The following PLCD4 variants were observed in gnomAD, a reference collection of about 807,000 sequenced individuals.
PLCD4 encodes the protein 1-phosphatidylinositol 4,5-bisphosphate phosphodiesterase delta-4.
In PLCD4, 63 loss-of-function variants were observed where a neutral mutation model predicts 90.2. The ratio of observed to expected loss-of-function variants is 0.70; its 90% CI spans 0.57 to 0.86. The LOEUF (loss-of-function observed/expected upper bound fraction) is 0.86. Among genes scored for constraint, PLCD4 ranks in the 40% least tolerant of loss-of-function variants. The pLI, the probability that PLCD4 is intolerant of heterozygous loss-of-function variation, is 0.00. For missense variants in PLCD4, 830 were observed against 956.3 expected (o/e 0.87, Z 1.74); for synonymous variants, 294 against 356.5 (o/e 0.82, Z 1.97).
At chr2:218,620,371 C>T (rs752975826) in intron 4 of PLCD4, among the ~76,000 whole-genome samples, 20 of 151,928 alleles carry the variant, frequency 1.3e-4, no homozygotes, top group Middle Eastern at 3.4e-3. Flanking sequence ...CTGGGCGTGG[C>T]GACATGTATC....
chr2:218,619,022 AC>A (rs1695756931), intron 4 of PLCD4: 2 of 576,890 alleles, frequency 3.5e-6, no homozygotes, highest in South Asian at 4.4e-5. Context: ...AGGAATCAGG[AC>A]CCCCAGGATT....
In PLCD4 at chr2:218,631,750, C is replaced by T. The variant is rs544500050; in HGVS notation, c.1273-386C>T. Reference sequence around the variant, plus strand: ...GGTGGTGCAGTGAGCTGAGATTGCGCCACTGCACTCCAGCCCGGGCGACAG... The same window carrying T: ...GGTGGTGCAGTGAGCTGAGATTGCGTCACTGCACTCCAGCCCGGGCGACAG... On this transcript the variant is annotated intron_variant, in intron 9 of 15. Coordinates refer to ENST00000450993, the MANE Select transcript of PLCD4 (RefSeq NM_032726.4). Among the ~76,000 whole-genome samples, 89 of 151,558 alleles carry T rather than the reference C, an allele frequency of 5.9e-4. 1 individual carries two copies. Among genetic ancestry groups the T allele is most frequent in the Non-Finnish European group, 9.4e-4 (64 of 67,912 alleles).
intron 13 of PLCD4, among the ~76,000 whole-genome samples, 179 bp from the exon 14 acceptor site, chr2:218,635,617 G>A (rs1696684138): frequency 6.6e-6 from 1 of 152,202 alleles, no homozygotes; most frequent in African/African-American, 2.4e-5. Flanking sequence ...ACAGGTGTGA[G>A]CCACCGTGCC....
chr2:218,620,372 G>A (rs994724499), intron 4 of PLCD4, among the ~76,000 whole-genome samples: 2 of 151,926 alleles, frequency 1.3e-5, no homozygotes, highest in Non-Finnish European at 2.9e-5. Context: ...TGGGCGTGGC[G>A]ACATGTATCT....
In PLCD4 at chr2:218,630,761, A is replaced by G. The variant is rs527387925; in HGVS notation, c.1231A>G (p.Thr411Ala). The change falls in exon 9 of 16, where the codon ACC becomes GCC. Residue 411 changes from threonine to alanine, a missense_variant. By Grantham distance (58) the Thr-to-Ala change is moderately conservative (BLOSUM62 0). Transcript: ENST00000450993. The part of the protein sequence containing the change: ...EILGEQLLST[T>A]LDGVLPTQLP... The stretch of plus-strand genomic sequence containing the variant: ...CCTGGGGGAGCAGCTGCTGAGCACC[A>G]CCTTGGATGGGGTGCTGCCCACTCA... 60 of 1,613,806 alleles carry G rather than the reference A, an allele frequency of 3.7e-5. No individual in the cohort carries two copies. The Admixed American group carries it at 5.2e-4, about 14-fold the overall frequency.
At chr2:218,633,061 G>A (rs1696475779) in intron 10 of PLCD4, among the ~76,000 whole-genome samples, 1 of 152,106 alleles carries the variant, frequency 6.6e-6, no homozygotes, top group African/African-American at 2.4e-5. Context: ...TGTCTAACCT[G>A]CTGCCATGTC....
chr2:218,629,296 A>G (rs1045831991), intron 7 of PLCD4: 4 of 513,398 alleles, frequency 7.8e-6, no homozygotes, highest in Non-Finnish European at 1.0e-5. Flanking sequence ...ATGGATTGCT[A>G]TGGAAGGACT....
At position 218,634,237 on chromosome 2, in the gene PLCD4, G is replaced by A. The variant is rs1179436475; in HGVS notation, c.1723+16G>A. 14 of 1,601,588 alleles carry A rather than the reference G, an allele frequency of 8.7e-6. No individual in the cohort carries two copies. Among genetic ancestry groups the A allele is most frequent in the Non-Finnish European group, 1.1e-5 (13 of 1,173,816 alleles). On this transcript the variant is annotated intron_variant, in intron 12 of 15. Transcript: ENST00000450993. The surrounding 1 kb of genome is among the most constrained non-coding windows in gnomAD (Gnocchi z 4.0). ...TGCCAGATGGGTGAGGAGGCAGCAG[G>A]GACTGGGAAGAGGGAGTGGAGGAGC...
chr2:218,623,628 C>T (rs1004651606), intron 6 of PLCD4, among the ~76,000 whole-genome samples: 2 of 152,132 alleles, frequency 1.3e-5, no homozygotes. Flanking sequence ...CTTTATTGGC[C>T]CTTTACTACA....
At chr2:218,609,063 A>AC (rs1212394633) in intron 1 of PLCD4, among the ~76,000 whole-genome samples, 2 of 147,588 alleles carry the variant, frequency 1.4e-5, no homozygotes, top group Non-Finnish European at 3.0e-5. Context: ...AATAGCGTGA[A>AC]CCCCGGGGGG....
intron 1 of PLCD4, among the ~76,000 whole-genome samples, chr2:218,610,692 A>G (rs903650948): frequency 1.3e-5 from 2 of 151,526 alleles, no homozygotes; most frequent in Non-Finnish European, 2.9e-5. Flanking sequence ...TCATTGTGAG[A>G]TCCTTGAGCT....
At chr2:218,621,271 T>A (rs1365010854) in intron 4 of PLCD4, among the ~76,000 whole-genome samples, 199 bp from the exon 5 acceptor site, 1 of 152,220 alleles carries the variant, frequency 6.6e-6, no homozygotes, top group East Asian at 1.9e-4. Flanking sequence ...GGGAGGTCCC[T>A]GCAGGTGCCT....
chr2:218,623,213 CCT>C (rs901093280), intron 6 of PLCD4, among the ~76,000 whole-genome samples: 9 of 152,312 alleles, frequency 5.9e-5, no homozygotes, highest in Non-Finnish European at 8.8e-5. Flanking sequence ...AACCCTTGAT[CCT>C]CTTTCTTTGG....
chr2:218,630,798 C>T lies in PLCD4; in HGVS notation c.1268C>T (p.Pro423Leu). 1 of 1,611,844 alleles carries T rather than the reference C, an allele frequency of 6.2e-7. No homozygotes were observed. Residue 423 changes from proline (P) to leucine (L), a missense_variant, in exon 9 of 16, where the codon CCT (proline) becomes CTT (leucine). Pro to Leu is a moderately conservative substitution (Grantham distance 98). Coordinates refer to ENST00000450993, the MANE Select transcript of PLCD4 (RefSeq NM_032726.4). ...GTGCTGCCCACTCAGCTGCCCTCGC[C>T]TGAGGTAGGGACACTGTTCCTCCAG... is the stretch of plus-strand genomic sequence containing the variant. ...DGVLPTQLPS[P>L]EELRRKILVK... is the part of the protein sequence containing the mutation.
intron 3 of PLCD4, among the ~76,000 whole-genome samples, chr2:218,616,954 A>AT (rs1321849848): frequency 9.7e-5 from 8 of 82,070 alleles, no homozygotes; most frequent in African/African-American, 3.9e-4. Flanking sequence ...AGAGAGAGAG[A>AT]GAGAGAGAGA....
At position 218,636,713 on chromosome 2, in the gene PLCD4, A is replaced by T. The variant is rs1023817204; in HGVS notation, c.*136A>T. On this transcript the variant is annotated 3_prime_UTR_variant, in exon 16 of 16. Coordinates refer to ENST00000450993, the MANE Select transcript of PLCD4 (RefSeq NM_032726.4). ...GCATTCCTAGGCACAAAATTACCTC[A>T]TTCTTCCTAACAAGCAATCTGGGAC... 2 of 919,998 alleles carry T rather than the reference A, an allele frequency of 2.2e-6. No homozygotes were observed. Among genetic ancestry groups the T allele is most frequent in the Non-Finnish European group, 3.3e-6 (2 of 599,192 alleles). 57.0% of individuals were successfully genotyped at this position (919,998 alleles called of 1,614,324 possible).
intron 3 of PLCD4, among the ~76,000 whole-genome samples, chr2:218,617,594 C>CA (rs58704392): frequency 1.4e-4 from 21 of 150,388 alleles, no homozygotes; most frequent in African/African-American, 2.0e-4. Context: ...CAAAATAAAA[C>CA]AAAAAAAAAA....
chr2:218,629,293 G>A (rs1696251343), intron 7 of PLCD4: 1 of 509,798 alleles, frequency 2.0e-6, no homozygotes, highest in Admixed American at 3.1e-5. Context: ...GTGATGGATT[G>A]CTATGGAAGG....
intron 11 of PLCD4, 103 bp downstream of exon 11, chr2:218,633,864 A>G (rs751812861): frequency 1.7e-5 from 24 of 1,412,548 alleles, no homozygotes; most frequent in Non-Finnish European, 2.3e-5. Flanking sequence ...GTAGCTAAGG[A>G]GAGATGAAGG....
Sources: allele counts gnomAD v4.1 joint callset (sites outside exome capture counted in the v4.1 genomes callset), GRCh38; gene constraint gnomAD v4.1.1; non-coding constraint Gnocchi (gnomAD v3.1); transcripts MANE v1.5; gene names NCBI Gene and HGNC (gene_info 2026-07-23, HGNC 2026-07-21).